GALNT17: variants seen among roughly 807,000 people sequenced by gnomAD.
GALNT17 encodes polypeptide N-acetylgalactosaminyltransferase 17.
A neutral mutation model predicts 63.7 loss-of-function variants in GALNT17; 29 were observed. The observed-to-expected ratio is 0.46, with a 90% CI of 0.34 to 0.62. GALNT17 has a LOEUF of 0.62. Ranked by LOEUF, GALNT17 falls within the 20% of genes least tolerant of loss-of-function variation. The pLI, the probability that GALNT17 is intolerant of heterozygous loss-of-function variation, is 0.01. For missense variants in GALNT17, 603 were observed against 799.6 expected, an observed-to-expected ratio of 0.75 and a Z score of 2.97; for synonymous variants, 305 against 318.3, an observed-to-expected ratio of 0.96 and a Z score of 0.45.
chr7:71,251,856 C>T (rs1790203846), intron 1 of GALNT17, among the ~76,000 whole-genome samples: 1 of 152,202 alleles, frequency 6.6e-6, no homozygotes, highest in African/African-American at 2.4e-5. Flanking sequence ...GACTGTCACC[C>T]CCAGGGCACA....
chr7:71,168,651 T>C (rs949352646), intron 1 of GALNT17, among the ~76,000 whole-genome samples: 5 of 151,828 alleles, frequency 3.3e-5, no homozygotes, highest in African/African-American at 1.2e-4. Context: ...AATTAAATAT[T>C]TAATACTATA....
intron 1 of GALNT17, among the ~76,000 whole-genome samples, chr7:71,323,293 C>T (rs1047175766): frequency 2.6e-5 from 4 of 152,122 alleles, no homozygotes; most frequent in African/African-American, 9.7e-5. Flanking sequence ...GACTCTTTGT[C>T]CCTGGGAGAA....
At chr7:71,555,582 A>G (rs1789150618) in intron 5 of GALNT17, among the ~76,000 whole-genome samples, 2 of 152,112 alleles carry the variant, frequency 1.3e-5, no homozygotes, top group Admixed American at 6.5e-5. Flanking sequence ...GAAGGGAGAA[A>G]CATCCAAATT....
At chr7:71,334,883 C>T (rs1185301091) in intron 1 of GALNT17, among the ~76,000 whole-genome samples, 1 of 152,216 alleles carries the variant, frequency 6.6e-6, no homozygotes, top group Non-Finnish European at 1.5e-5. Context: ...ATGTCACTTT[C>T]TGTTCAAATG....
At chr7:71,372,193 C>G (rs527420024) in intron 2 of GALNT17, among the ~76,000 whole-genome samples, 1 of 152,076 alleles carries the variant, frequency 6.6e-6, no homozygotes, top group Admixed American at 6.6e-5. Context: ...GAGTCTCGCT[C>G]TGTTGCCCAG....
chr7:71,458,248 T>C (rs1382427556), intron 5 of GALNT17, among the ~76,000 whole-genome samples: 3 of 152,218 alleles, frequency 2.0e-5, no homozygotes, highest in African/African-American at 7.2e-5. Flanking sequence ...TAGAGCTTTT[T>C]CATTGCATTA....
At chr7:71,596,326 CTG>C (rs1789886812) in intron 6 of GALNT17, among the ~76,000 whole-genome samples, 5 of 152,126 alleles carry the variant, frequency 3.3e-5, no homozygotes, top group Non-Finnish European at 7.3e-5. Flanking sequence ...GCGTGAGCCA[CTG>C]CACCTGGCCT....
intron 6 of GALNT17, among the ~76,000 whole-genome samples, chr7:71,641,571 G>A (rs1438993278): frequency 1.3e-5 from 2 of 151,946 alleles, no homozygotes; most frequent in Non-Finnish European, 2.9e-5. Context: ...AAGGAGTGAG[G>A]GGTGGCTTGT....
At chr7:71,170,880 T>C (rs1461546221) in intron 1 of GALNT17, among the ~76,000 whole-genome samples, 1 of 152,028 alleles carries the variant, frequency 6.6e-6, no homozygotes, top group African/African-American at 2.4e-5. Flanking sequence ...CATTTTACTT[T>C]ATAGCTATTT....
intron 1 of GALNT17, among the ~76,000 whole-genome samples, chr7:71,156,269 G>A (rs184638641): frequency 5.9e-5 from 9 of 151,872 alleles, no homozygotes; most frequent in Middle Eastern, 3.4e-3. Flanking sequence ...CCAAAGATAA[G>A]GGCATAGAGC....
At chr7:71,498,057 G>C (rs1788124239) in intron 5 of GALNT17, among the ~76,000 whole-genome samples, 2 of 152,240 alleles carry the variant, frequency 1.3e-5, no homozygotes, top group South Asian at 4.1e-4. Context: ...GAATTCAGAC[G>C]TGAATGTCCG....
chr7:71,263,725 C>T (rs1006254256), intron 1 of GALNT17, among the ~76,000 whole-genome samples: 3 of 151,978 alleles, frequency 2.0e-5, no homozygotes, highest in Non-Finnish European at 4.4e-5. Flanking sequence ...AGATCGAGAC[C>T]ATCCTGGCTA....
rs538400452 is a variant in GALNT17 at position 71,656,539 on chromosome 7, G to A, written c.1081-8872G>A. On this transcript the variant is annotated intron_variant, in intron 6 of 10. Coordinates refer to ENST00000333538, the MANE Select transcript of GALNT17 (RefSeq NM_022479.3). Reference sequence around the variant, plus strand: ...GGGAGCCATCGAAGTTTGCAGGGCCGTGGAATGATCAGTTCCACCCTGGCT... The same window carrying A: ...GGGAGCCATCGAAGTTTGCAGGGCCATGGAATGATCAGTTCCACCCTGGCT... Among the ~76,000 whole-genome samples the A allele has an allele frequency of 5.3e-4, 80 of 152,244 alleles. 1 individual carries two copies. The highest frequency in any genetic ancestry group is 1.8e-3 in the African/African-American group (76 of 41,556).
intron 6 of GALNT17, among the ~76,000 whole-genome samples, chr7:71,584,087 G>A (rs1181003379): frequency 6.6e-6 from 1 of 152,174 alleles, no homozygotes; most frequent in African/African-American, 2.4e-5. Flanking sequence ...AGCCAAGGTT[G>A]CGCCACTGCA....
intron 1 of GALNT17, among the ~76,000 whole-genome samples, chr7:71,277,518 A>C (rs1309662376): frequency 6.6e-6 from 1 of 152,210 alleles, no homozygotes; most frequent in Non-Finnish European, 1.5e-5. Context: ...TTTTAAAAAG[A>C]ATATTACAAA....
chr7:71,219,270 A>G (rs1339975634), intron 1 of GALNT17, among the ~76,000 whole-genome samples: 1 of 152,196 alleles, frequency 6.6e-6, no homozygotes, highest in East Asian at 1.9e-4. Flanking sequence ...TGTCTACTGC[A>G]TTGTCATTAA....
intron 5 of GALNT17, among the ~76,000 whole-genome samples, chr7:71,436,783 A>T (rs150029261): frequency 6.6e-6 from 1 of 152,292 alleles, no homozygotes; most frequent in East Asian, 1.9e-4. Context: ...CGAGACCCCA[A>T]ATGCAAACTC....
intron 8 of GALNT17, among the ~76,000 whole-genome samples, chr7:71,676,773 T>G (rs535022030): frequency 2.0e-5 from 3 of 152,324 alleles, no homozygotes; most frequent in East Asian, 1.9e-4. Context: ...ATGTCGGTGC[T>G]GAGGCCCACT....
chr7:71,325,320 A>G (rs1341420631), intron 1 of GALNT17, among the ~76,000 whole-genome samples: 1 of 152,156 alleles, frequency 6.6e-6, no homozygotes, highest in Non-Finnish European at 1.5e-5. Flanking sequence ...ACTTCCAAAC[A>G]AATGCCTGCC....
Sources: gnomAD v4.1 joint callset for allele counts (sites outside exome capture counted in the v4.1 genomes callset) on GRCh38, gnomAD v4.1.1 for gene constraint, MANE v1.5 for transcripts, NCBI Gene and HGNC (gene_info 2026-07-23, HGNC 2026-07-21) for gene names.